DOCK4: variants seen among roughly 807,000 people sequenced by gnomAD.
DOCK4 encodes the protein dedicator of cytokinesis protein 4.
A neutral mutation model predicts 268.1 loss-of-function variants in DOCK4; 97 were observed. The ratio of observed to expected loss-of-function variants is 0.36; its 90% CI spans 0.31 to 0.43. DOCK4 has a LOEUF of 0.43. Ranked by LOEUF, DOCK4 falls within the 20% of genes least tolerant of loss-of-function variation. The pLI, the probability that DOCK4 is intolerant of heterozygous loss-of-function variation, is 1.00. For synonymous variants in DOCK4, 954 were observed against 887.2 expected, an observed-to-expected ratio of 1.08 and a Z score of -1.34; for missense variants, 2,145 against 2,455.7, an observed-to-expected ratio of 0.87 and a Z score of 2.67.
intron 5 of DOCK4, among the ~76,000 whole-genome samples, chr7:111,991,788 C>T (rs1185548888): frequency 1.3e-5 from 2 of 151,548 alleles, no homozygotes; most frequent in Admixed American, 6.6e-5. Flanking sequence ...AGTGAAACCC[C>T]GTCTCTACTA....
intron 6 of DOCK4, among the ~76,000 whole-genome samples, chr7:111,987,712 T>A (rs981140189): frequency 6.6e-6 from 1 of 152,200 alleles, no homozygotes; most frequent in Admixed American, 6.5e-5. Flanking sequence ...TTCAACTTCC[T>A]CCTTCAACAG....
At chr7:111,814,846 G>A (rs968234805) in intron 27 of DOCK4, among the ~76,000 whole-genome samples, 3 of 152,130 alleles carry the variant, frequency 2.0e-5, no homozygotes, top group African/African-American at 7.2e-5. Context: ...AGGGACTTTC[G>A]AAAACATTGA....
chr7:111,919,584 A>T (rs1044217046), intron 12 of DOCK4, among the ~76,000 whole-genome samples: 1 of 152,208 alleles, frequency 6.6e-6, no homozygotes, highest in African/African-American at 2.4e-5. Context: ...CCTCAGTGTA[A>T]TTATGTCATT....
intron 42 of DOCK4, among the ~76,000 whole-genome samples, chr7:111,749,381 T>C (rs943103826): frequency 3.3e-5 from 5 of 152,270 alleles, no homozygotes; most frequent in Admixed American, 3.3e-4. Flanking sequence ...GTTCAGTGAA[T>C]ATCGAGTTTG....
Position 112,021,200 on chromosome 7 carries a change from C to A in DOCK4, c.38-17069G>T, listed in dbSNP as rs1802289283. Among the ~76,000 whole-genome samples the A allele has an allele frequency of 2.0e-5, 3 of 152,160 alleles. No homozygotes were observed. In the South Asian group the frequency reaches 6.2e-4, roughly 32 times the overall value. ...TAAAAAAGAATCAATAAAATGCTAC[C>A]AATGAATATGAGGAGCTTTAGCACA... is the stretch of plus-strand genomic sequence containing the variant. On this transcript the variant is annotated intron_variant, in intron 1 of 52. Coordinates refer to ENST00000428084, the MANE Select transcript of DOCK4 (RefSeq NM_001363540.2).
chr7:112,125,369 G>T (rs150038925), intron 1 of DOCK4, among the ~76,000 whole-genome samples: 290 of 152,208 alleles, frequency 1.9e-3, no homozygotes, highest in African/African-American at 6.2e-3. Flanking sequence ...TTTCTGAAAC[G>T]CAAGGTCATT....
intron 41 of DOCK4, among the ~76,000 whole-genome samples, chr7:111,756,993 C>G (rs766767255): frequency 6.6e-6 from 1 of 152,020 alleles, no homozygotes; most frequent in Non-Finnish European, 1.5e-5. Flanking sequence ...GGGGGTGACG[C>G]GTGAGCTGCA....
intron 8 of DOCK4, among the ~76,000 whole-genome samples, chr7:111,968,933 C>T (rs1797460377): frequency 1.2e-5 from 1 of 82,822 alleles, no homozygotes; most frequent in Non-Finnish European, 2.2e-5. Context: ...AATTGGAAAC[C>T]ATCATTCTCA....
intron 1 of DOCK4, 140 bp downstream of exon 1, chr7:112,205,962 G>A (rs1821371836): frequency 2.1e-6 from 2 of 965,808 alleles, no homozygotes; most frequent in Non-Finnish European, 3.1e-6. Flanking sequence ...AGCTGGCTCG[G>A]CAAAGCCCCG....
At chr7:112,137,055 A>G (rs1462961059) in intron 1 of DOCK4, among the ~76,000 whole-genome samples, 1 of 152,204 alleles carries the variant, frequency 6.6e-6, no homozygotes, top group African/African-American at 2.4e-5. Context: ...CACGTTTAGA[A>G]TGCCAAAAGA....
chr7:111,885,735 TAG>T (rs140480968), intron 16 of DOCK4, among the ~76,000 whole-genome samples: 21,094 of 152,102 alleles, frequency 0.14, 1,717 homozygotes, highest in Non-Finnish European at 0.18. Context: ...ATTTACAAAT[TAG>T]AGAGGAGAGA....
chr7:111,764,990 G>A (rs1797678949), intron 39 of DOCK4, 128 bp downstream of exon 39: 1 of 470,172 alleles, frequency 2.1e-6, no homozygotes, highest in Non-Finnish European at 3.7e-6. Flanking sequence ...TGTCTGCAAA[G>A]TAAAAGTTTA....
At chr7:112,025,433 G>A (rs1034964770) in intron 1 of DOCK4, among the ~76,000 whole-genome samples, 1 of 152,136 alleles carries the variant, frequency 6.6e-6, no homozygotes, top group Non-Finnish European at 1.5e-5. Flanking sequence ...TGAGACCTAT[G>A]AGACTTCTTG....
chr7:112,153,131 G>C (rs1297455187), intron 1 of DOCK4, among the ~76,000 whole-genome samples: 1 of 152,080 alleles, frequency 6.6e-6, no homozygotes, highest in Non-Finnish European at 1.5e-5. Flanking sequence ...GCAGAATGTA[G>C]CACAATAAAT....
intron 30 of DOCK4, among the ~76,000 whole-genome samples, chr7:111,791,070 T>TATA (rs1554593887): frequency 9.1e-4 from 87 of 95,424 alleles, no homozygotes; most frequent in African/African-American, 4.2e-3. Context: ...AAAAAAAAAA[T>TATA]TATATATATA....
intron 1 of DOCK4, among the ~76,000 whole-genome samples, chr7:112,022,150 T>A (rs1055316294): frequency 3.3e-5 from 5 of 152,180 alleles, no homozygotes; most frequent in African/African-American, 1.2e-4. Context: ...CAGTTCCCCC[T>A]AGGAAATGCT....
At chr7:111,820,012 T>C (rs1176520289) in intron 27 of DOCK4, 2 of 152,228 alleles carry the variant, frequency 1.3e-5, no homozygotes, top group Admixed American at 6.5e-5. Context: ...AAGATGTCCT[T>C]AACATCTTTC....
At chr7:111,755,339 ATAT>A (rs1222851393) in intron 42 of DOCK4, among the ~76,000 whole-genome samples, 173 bp downstream of exon 42, 1 of 152,162 alleles carries the variant, frequency 6.6e-6, no homozygotes, top group Non-Finnish European at 1.5e-5. Flanking sequence ...CATTAGGATA[ATAT>A]TAATATTCAC....
At chr7:112,043,468 GCCT>G in intron 1 of DOCK4, among the ~76,000 whole-genome samples, 1 of 150,158 alleles carries the variant, frequency 6.7e-6, no homozygotes, top group African/African-American at 2.5e-5. Flanking sequence ...CCAAGACATT[GCCT>G]AAAATGTTAA....
Sources: gnomAD v4.1 joint callset for allele counts (sites outside exome capture counted in the v4.1 genomes callset) on GRCh38, gnomAD v4.1.1 for gene constraint, MANE v1.5 for transcripts, NCBI Gene and HGNC (gene_info 2026-07-23, HGNC 2026-07-21) for gene names.